Variants in PRKAG3 observed in about 807,000 individuals in gnomAD.
PRKAG3 encodes the protein protein kinase AMP-activated non-catalytic subunit gamma 3, also known as 5'-AMP-activated protein kinase subunit gamma-3.
PRKAG3 carries 39 observed loss-of-function variants against 56.5 expected under a neutral mutation model. The observed-to-expected ratio is 0.69, with a 90% CI of 0.53 to 0.90. The LOEUF (loss-of-function observed/expected upper bound fraction) is 0.90, where lower values mean the gene tolerates loss of function less well. PRKAG3 is among the 40% of genes least tolerant of loss of function. The pLI, the probability that PRKAG3 is intolerant of heterozygous loss-of-function variation, is 0.00. For missense variants in PRKAG3, 628 were observed against 627.5 expected (o/e 1.00, Z -0.01); for synonymous variants, 243 against 250.1 (o/e 0.97, Z 0.27).
rs1943953743 is a variant in PRKAG3, at chr2:218,827,580, A to G, written c.870T>C (p.Asn290=). ...GAATGAGCAGAGACACCCACCTATC[A>G]TTAGGAGAGATGGAGACCAGAGGCT... is the stretch of plus-strand genomic sequence containing the variant. The change falls in exon 8 of 13, where the codon AAT becomes AAC. Residue 290 remains asparagine (N), a synonymous_variant. Coordinates refer to ENST00000529249, the Ensembl canonical transcript of PRKAG3. This position sits in a 1 kb window ranked among gnomAD's most constrained non-coding sequence, Gnocchi z 5.3. 1 of 1,613,798 alleles carries G rather than the reference A, an allele frequency of 6.2e-7. No homozygotes were observed. Among genetic ancestry groups the G allele is most frequent in the South Asian group, 1.1e-5 (1 of 91,068 alleles).
chr2:218,829,364 G>A (rs1347888245), intron 4 of PRKAG3, among the ~76,000 whole-genome samples: 5 of 149,940 alleles, frequency 3.3e-5, no homozygotes, highest in Admixed American at 6.7e-5. Flanking sequence ...ACTGTCTCCC[G>A]GGCTGGAGTG....
At chr2:218,824,640 G>A (rs948493087) in intron 10 of PRKAG3, 64 bp from the exon 11 acceptor site, 2 of 1,473,912 alleles carry the variant, frequency 1.4e-6, no homozygotes, top group Admixed American at 3.3e-5. Flanking sequence ...GTCAGAACCG[G>A]GGTGCTGTGT....
intron 10 of PRKAG3, 99 bp downstream of exon 10, chr2:218,826,829 A>C (rs1943939003): frequency 1.3e-6 from 2 of 1,497,158 alleles, no homozygotes; most frequent in Admixed American, 3.4e-5. Flanking sequence ...TGTACCCCCC[A>C]CAGGGATGGC....
At position 218,828,394 on chromosome 2, in the gene PRKAG3, T is replaced by C. The variant is rs560961553; in HGVS notation, c.715+125A>G. ...ACTCCGGATGGACTTTCCTCCACCC[T>C]GGCCCCTGGCTGGGCTTGGCCTGAA... On this transcript the variant is annotated intron_variant, in intron 5 of 12. Transcript: ENST00000529249. 3.8e-6 allele frequency: 4 copies of C among 1,052,936 alleles called. No homozygotes were observed. In the East Asian group the frequency reaches 7.9e-5, roughly 21 times the overall value. The allele number at this position is 1,052,936 out of a possible 1,614,324, so 65.2% of individuals were successfully genotyped here. A position where few individuals can be genotyped will look rare whatever the true frequency, so the allele number is the denominator to read the frequency against.
downstream of PRKAG3, chr2:218,823,001 CA>C (rs1943876931): frequency 1.0e-6 from 1 of 985,012 alleles, no homozygotes; most frequent in Non-Finnish European, 1.2e-6. Flanking sequence ...TTCATCATCC[CA>C]TGGTGCACTG....
exon 13 of PRKAG3, chr2:218,823,830 C>A (rs369705264): frequency 4.3e-6 from 7 of 1,614,124 alleles, no homozygotes; most frequent in Non-Finnish European, 5.9e-6. Flanking sequence ...GAGAGGGAGA[C>A]CACGCCCAAG....
intron 5 of PRKAG3, 80 bp downstream of exon 5, chr2:218,828,439 A>G: frequency 7.2e-7 from 1 of 1,391,664 alleles, no homozygotes; most frequent in Middle Eastern, 1.8e-4. Flanking sequence ...GTGGTATATC[A>G]GAGATCAGCC....
At position 218,827,640 on chromosome 2, in the gene PRKAG3, A is replaced by G. The variant is rs761285541; in HGVS notation, c.821-11T>C. On this transcript the variant is annotated splice_polypyrimidine_tract_variant and intron_variant, in intron 7 of 12. Transcript: ENST00000529249. The surrounding 1 kb of genome is among the most constrained non-coding windows in gnomAD (Gnocchi z 5.3). Reference sequence around the variant, plus strand: ...CTTGCAGGTAGATCTCTGCAGAAAGAGCCAGAGTCAGGCCAGGGGAGCCGG... The same window carrying G: ...CTTGCAGGTAGATCTCTGCAGAAAGGGCCAGAGTCAGGCCAGGGGAGCCGG... 4.2e-5 allele frequency: 68 copies of G among 1,613,842 alleles called. No individual in the cohort carries two copies. The South Asian group carries it at 4.7e-4, about 11-fold the overall frequency.
exon 13 of PRKAG3, chr2:218,823,763 C>T: frequency 6.2e-7 from 1 of 1,613,996 alleles, no homozygotes; most frequent in South Asian, 1.1e-5. Context: ...CAGATCTTCT[C>T]AGGCCCCGAG....
In PRKAG3 at chr2:218,830,505, G is replaced by A. The variant is rs1034841853; in HGVS notation, c.230-124C>T. On this transcript the variant is annotated intron_variant, in intron 3 of 12. Coordinates refer to ENST00000529249, the Ensembl canonical transcript of PRKAG3. ...GGATGCTGTGGCCCTATTTGCAGGTGAGGGGCTGACCTGAGAGTCGCCCCA... is the reference window on the plus strand; with the variant it reads ...GGATGCTGTGGCCCTATTTGCAGGTAAGGGGCTGACCTGAGAGTCGCCCCA... 13 of 1,332,652 alleles carry A rather than the reference G, an allele frequency of 9.8e-6. No individual in the cohort carries two copies. The South Asian group carries it at 1.4e-4, about 15-fold the overall frequency. The allele number at this position is 1,332,652 out of a possible 1,614,324, so 82.6% of individuals were successfully genotyped here.
At chr2:218,831,787 C>T in exon 1 of PRKAG3, 1 of 1,606,666 alleles carries the variant, frequency 6.2e-7, no homozygotes. Flanking sequence ...AGCCCCAGAC[C>T]AACTGAGAGC....
rs149508864 is a variant in PRKAG3 at position 218,823,779 on chromosome 2, C to T, written c.1453G>A (p.Asp485Asn). ...AGATCTTCTCAGGCCCCGAGGGCAT[C>T]GATGCCAGCAGGGCTGAGCACCAGT... Residue 485 changes from aspartate (D) to asparagine (N), a missense_variant, in exon 13 of 13, where the codon GAT becomes AAT. Transcript: ENST00000529249. 5,176 of 1,614,086 alleles carry T rather than the reference C, an allele frequency of 3.2e-3. 17 individuals are homozygous for T. Among genetic ancestry groups the T allele is most frequent in the South Asian group, 4.2e-3 (386 of 91,084 alleles).
Position 218,827,059 on chromosome 2 carries a change from C to CG in PRKAG3, c.1036dup (p.Arg346ProfsTer55). 1.9e-6 allele frequency: 3 copies of CG among 1,613,754 alleles called. No homozygotes were observed. Among genetic ancestry groups the CG allele is most frequent in the Non-Finnish European group, 2.5e-6 (3 of 1,180,030 alleles). The stretch of plus-strand genomic sequence containing the variant: ...GCCGATGCCCAAATCTTGGATAGTG[C>CG]GGTAGAGGAAGGAGGGCCGGGGCAG... On this transcript the variant is annotated frameshift_variant, in exon 10 of 13. Coordinates refer to ENST00000529249, the Ensembl canonical transcript of PRKAG3. LOFTEE classifies it high-confidence loss of function. The surrounding 1 kb of genome is among the most constrained non-coding windows in gnomAD (Gnocchi z 5.3).
rs375349598 is a variant in PRKAG3 at position 218,824,568 on chromosome 2, C to T, written c.1177G>A (p.Val393Met). ...ACATCAAAGCGGGAATAGAGGCCCA[C>T]GACCTGACCTGCAGAGGGTGGTTGT... The change falls in exon 11 of 13, where the codon GTG becomes ATG. Residue 393 changes from valine to methionine, a missense_variant. Physicochemically the swap from Val to Met is conservative, Grantham distance 21 (BLOSUM62 1). Transcript: ENST00000529249. The T allele has an allele frequency of 6.0e-5, 97 of 1,612,244 alleles. No homozygotes were observed. Among genetic ancestry groups the T allele is most frequent in the Admixed American group, 2.2e-4 (13 of 59,994 alleles).
chr2:218,824,297 T>C, exon 12 of PRKAG3: 7 of 1,614,054 alleles, frequency 4.3e-6, no homozygotes, highest in Non-Finnish European at 5.9e-6. Flanking sequence ...CCTCCAGACA[T>C]AGTGTCCTCT....
chr2:218,827,928 G>C lies in PRKAG3; in HGVS notation c.775-50C>G. On this transcript the variant is annotated intron_variant, in intron 6 of 12. Transcript: ENST00000529249. This position sits in a 1 kb window ranked among gnomAD's most constrained non-coding sequence, Gnocchi z 5.3. ...AAGTCAGAAAGACGTGGGCTTCTAG[G>C]GCACCAGGCTCCAGGAGGACTCCCC... 1 of 1,611,312 alleles carries C rather than the reference G, an allele frequency of 6.2e-7. No homozygotes were observed.
chr2:218,828,160 T>A, intron 5 of PRKAG3, 98 bp from the exon 6 acceptor site: 7 of 1,156,374 alleles, frequency 6.1e-6, no homozygotes, highest in Non-Finnish European at 7.5e-6. Flanking sequence ...GTCCTTGTGC[T>A]GAGACACAGT....
At position 218,827,481 on chromosome 2, in the gene PRKAG3, C is replaced by G; in HGVS notation, c.875+94G>C. ...CACCAAGGCTCCCTTGTCTGTGTGC[C>G]GCCTAGGATGAAGAGGTGAGTTCAG... On this transcript the variant is annotated intron_variant, in intron 8 of 12. Transcript: ENST00000529249. The surrounding 1 kb of genome is among the most constrained non-coding windows in gnomAD (Gnocchi z 5.3). 1 of 1,600,880 alleles carries G rather than the reference C, an allele frequency of 6.2e-7. No homozygotes were observed. The highest frequency in any genetic ancestry group is 2.2e-5 in the East Asian group (1 of 44,820).
chr2:218,828,095 G>A (rs1275373024), intron 5 of PRKAG3, 33 bp from the exon 6 acceptor site: 1 of 1,541,380 alleles, frequency 6.5e-7, no homozygotes, highest in Admixed American at 2.0e-5. Flanking sequence ...GGTCAGCCCG[G>A]GGCCTTTGGG....
Sources: gnomAD v4.1 joint callset for allele counts (sites outside exome capture counted in the v4.1 genomes callset) on GRCh38, gnomAD v4.1.1 for gene constraint, Gnocchi (gnomAD v3.1) non-coding constraint, MANE v1.5 for transcripts, NCBI Gene and HGNC (gene_info 2026-07-23, HGNC 2026-07-21) for gene names.